Variants in CSMD1 observed in about 807,000 individuals in gnomAD.
The protein encoded by CSMD1 is CUB and Sushi multiple domains 1, also known as CUB and sushi domain-containing protein 1.
Under a neutral mutation model 417.5 loss-of-function variants are expected in CSMD1, and 213 were observed. The observed-to-expected ratio is 0.51, with a 90% CI of 0.46 to 0.57. The LOEUF (loss-of-function observed/expected upper bound fraction) is 0.57, where lower values mean the gene tolerates loss of function less well. Ranked by LOEUF, CSMD1 falls within the 20% of genes least tolerant of loss-of-function variation. The pLI, the probability that CSMD1 is intolerant of heterozygous loss-of-function variation, is 0.00. For missense variants in CSMD1, 6,923 were observed against 4,529.7 expected (o/e 1.53, Z -15.17); for synonymous variants, 2,862 against 1,736.8 (o/e 1.65, Z -16.11).
chr8:4,823,038 T>C (rs562011879), intron 1 of CSMD1, among the ~76,000 whole-genome samples: 28 of 152,196 alleles, frequency 1.8e-4, no homozygotes, highest in African/African-American at 6.5e-4. Flanking sequence ...CATCACTGTG[T>C]CTGTGAAATG....
intron 3 of CSMD1, among the ~76,000 whole-genome samples, chr8:4,305,582 G>C (rs923880624): frequency 2.0e-5 from 3 of 152,168 alleles, no homozygotes; most frequent in Non-Finnish European, 4.4e-5. Context: ...ATGAAAAAGA[G>C]TAAAAAATTA....
chr8:3,253,533 T>G (rs955269706), intron 26 of CSMD1, among the ~76,000 whole-genome samples: 1 of 152,180 alleles, frequency 6.6e-6, no homozygotes, highest in African/African-American at 2.4e-5. Flanking sequence ...GTTCTGTAGA[T>G]GTCTATTAGG....
chr8:3,877,721 A>T (rs28716989), intron 5 of CSMD1, among the ~76,000 whole-genome samples: 2,423 of 152,304 alleles, frequency 0.016, 68 homozygotes, highest in African/African-American at 0.054. Context: ...CAGTCACAAT[A>T]AAATAGCAAG....
chr8:3,403,876 C>T (rs1812187561), intron 15 of CSMD1, among the ~76,000 whole-genome samples: 1 of 152,124 alleles, frequency 6.6e-6, no homozygotes, highest in South Asian at 2.1e-4. Flanking sequence ...CAGCATAAAA[C>T]ATAAAAACTG....
At chr8:4,512,126 C>T (rs1259177430) in intron 2 of CSMD1, among the ~76,000 whole-genome samples, 1 of 152,128 alleles carries the variant, frequency 6.6e-6, no homozygotes, top group Non-Finnish European at 1.5e-5. Context: ...GTATGCAAGG[C>T]TGGTTCAATA....
At chr8:4,056,450 A>C (rs1798695830) in intron 3 of CSMD1, among the ~76,000 whole-genome samples, 1 of 145,972 alleles carries the variant, frequency 6.9e-6, no homozygotes, top group East Asian at 2.0e-4. Flanking sequence ...AAATTTATTT[A>C]TGATATTAAA....
intron 5 of CSMD1, among the ~76,000 whole-genome samples, chr8:3,808,486 T>C (rs1800876156): frequency 6.6e-6 from 1 of 152,196 alleles, no homozygotes; most frequent in African/African-American, 2.4e-5. Flanking sequence ...GTAATATGTT[T>C]TCTGCCTTAT....
intron 1 of CSMD1, among the ~76,000 whole-genome samples, chr8:4,800,503 A>G (rs1212021312): frequency 6.6e-6 from 1 of 152,170 alleles, no homozygotes; most frequent in Admixed American, 6.5e-5. Context: ...TTCCTGGGAA[A>G]TCAATGCTGA....
At chr8:3,591,894 C>G (rs1260127842) in intron 8 of CSMD1, among the ~76,000 whole-genome samples, 2 of 151,540 alleles carry the variant, frequency 1.3e-5, no homozygotes, top group Non-Finnish European at 2.9e-5. Flanking sequence ...TGACAGATAG[C>G]TGGATGGAGG....
chr8:3,007,940 TA>T lies in CSMD1; in HGVS notation c.8030-7810del, dbSNP rs1241941771. On this transcript the variant is annotated intron_variant, in intron 52 of 69. Transcript: ENST00000635120. ...GTATAATAATAAAAGAAAAAAAACT[TA>T]AAAAAAGAAAGCTTTGTTACTGTTT... Among the ~76,000 whole-genome samples, 11 of 152,020 alleles carry T rather than the reference TA, an allele frequency of 7.2e-5. No homozygotes were observed. In the East Asian group the frequency reaches 1.7e-3, roughly 24 times the overall value.
intron 3 of CSMD1, among the ~76,000 whole-genome samples, chr8:4,106,135 T>G (rs1254535639): frequency 6.6e-6 from 1 of 152,052 alleles, no homozygotes; most frequent in East Asian, 1.9e-4. Flanking sequence ...GACCATCGAT[T>G]TATTACATGT....
At chr8:4,268,000 G>T (rs965726069) in intron 3 of CSMD1, among the ~76,000 whole-genome samples, 1 of 152,010 alleles carries the variant, frequency 6.6e-6, no homozygotes, top group African/African-American at 2.4e-5. Context: ...TGGTGGAGGG[G>T]AGCAGATAGG....
intron 52 of CSMD1, among the ~76,000 whole-genome samples, chr8:3,003,946 G>T (rs1807650497): frequency 6.6e-6 from 1 of 152,174 alleles, no homozygotes; most frequent in South Asian, 2.1e-4. Context: ...CTAGGAGGGT[G>T]ACCATTTGCA....
chr8:4,825,734 G>C (rs1022709018), intron 1 of CSMD1, among the ~76,000 whole-genome samples: 7 of 151,392 alleles, frequency 4.6e-5, no homozygotes, highest in African/African-American at 1.5e-4. Context: ...TCTGGTAAGG[G>C]GTTAATATCT....
chr8:4,804,128 T>C (rs1312527171), intron 1 of CSMD1, among the ~76,000 whole-genome samples: 1 of 152,242 alleles, frequency 6.6e-6, no homozygotes, highest in Non-Finnish European at 1.5e-5. Flanking sequence ...CGAGAAACTA[T>C]TTCCTTTATA....
At chr8:3,307,664 C>G (rs768591772) in intron 25 of CSMD1, 31 bp downstream of exon 25, 2 of 1,606,730 alleles carry the variant, frequency 1.2e-6, no homozygotes, top group Non-Finnish European at 1.7e-6. Context: ...TCTCTTTTCT[C>G]AAATCACTGA....
intron 1 of CSMD1, among the ~76,000 whole-genome samples, chr8:4,840,204 T>C (rs545474316): frequency 4.2e-3 from 35 of 8,338 alleles, no homozygotes; most frequent in African/African-American, 6.0e-3. Context: ...TCCCTGATCA[T>C]GGTCTATGAG....
rs1019533433 is a variant in CSMD1 at position 3,901,123 on chromosome 8, G to C, written c.818+96780C>G. On this transcript the variant is annotated intron_variant, in intron 5 of 69. Transcript: ENST00000635120. ...TTAATGTGTGTATACTTTTGGGGGA[G>C]GGTCATGAATGTACTGATAACCGTG... Among the ~76,000 whole-genome samples the C allele has an allele frequency of 9.2e-5, 14 of 152,274 alleles. No homozygotes were observed. In the South Asian group the frequency reaches 1.0e-3, roughly 11 times the overall value.
At chr8:4,510,395 A>AAAAAAAAAAAAG in intron 2 of CSMD1, among the ~76,000 whole-genome samples, 3 of 30,676 alleles carry the variant, frequency 9.8e-5, no homozygotes, top group African/African-American at 2.4e-4. Context: ...ATGCCTAAAA[A>AAAAAAAAAAAAG]AAAAAAAAAA....
Sources: gnomAD v4.1 joint callset for allele counts (sites outside exome capture counted in the v4.1 genomes callset) on GRCh38, gnomAD v4.1.1 for gene constraint, MANE v1.5 for transcripts, NCBI Gene and HGNC (gene_info 2026-07-23, HGNC 2026-07-21) for gene names.